Variants in UNC80 observed in about 807,000 individuals in gnomAD.
UNC80 encodes protein unc-80 homolog.
A neutral mutation model predicts 384.6 loss-of-function variants in UNC80; 164 were observed. The observed-to-expected ratio is 0.43, with a 90% CI of 0.38 to 0.49. The LOEUF (loss-of-function observed/expected upper bound fraction) is 0.49. UNC80 is among the 20% of genes least tolerant of loss of function. The probability of loss-of-function intolerance (pLI) is 0.00; values close to 1 mark genes in which losing one functional copy is unlikely to be tolerated. For missense variants in UNC80, 3,330 were observed against 4,143.0 expected (o/e 0.80, Z 5.39); for synonymous variants, 1,486 against 1,527.8 (o/e 0.97, Z 0.64).
At chr2:209,805,211 T>G (rs1174173202) in intron 7 of UNC80, among the ~76,000 whole-genome samples, 2 of 152,210 alleles carry the variant, frequency 1.3e-5, no homozygotes, top group African/African-American at 4.8e-5. Flanking sequence ...TAGGCACTTA[T>G]TTTTTAACTT....
At chr2:209,909,520 A>AC (rs1406958305) in intron 29 of UNC80, among the ~76,000 whole-genome samples, 1 of 152,200 alleles carries the variant, frequency 6.6e-6, no homozygotes, top group African/African-American at 2.4e-5. Context: ...CTCATCTTGT[A>AC]CATAGACTGA....
At chr2:209,865,154 G>A (rs2124869191) in intron 22 of UNC80, among the ~76,000 whole-genome samples, 1 of 152,190 alleles carries the variant, frequency 6.6e-6, no homozygotes, top group South Asian at 2.1e-4. Context: ...CTCTCCACGG[G>A]TCACGGCAGC....
At chr2:209,853,514 T>G (rs552708338) in intron 22 of UNC80, among the ~76,000 whole-genome samples, 24 of 152,034 alleles carry the variant, frequency 1.6e-4, no homozygotes, top group Non-Finnish European at 3.5e-4. Context: ...CAGTACAGCT[T>G]TTCCTCACAA....
At chr2:209,898,061 C>T (rs1031038208) in intron 28 of UNC80, among the ~76,000 whole-genome samples, 2 of 152,028 alleles carry the variant, frequency 1.3e-5, no homozygotes, top group Non-Finnish European at 2.9e-5. Context: ...GTAGGATCTA[C>T]AGTGATTTAC....
At chr2:209,776,230 G>C (rs2076853557) in intron 3 of UNC80, among the ~76,000 whole-genome samples, 185 bp downstream of exon 3, 1 of 152,064 alleles carries the variant, frequency 6.6e-6, no homozygotes, top group Non-Finnish European at 1.5e-5. Flanking sequence ...AAAGAAACTG[G>C]CTGTCTTGTT....
chr2:209,907,284 T>TA (rs2088347030), intron 29 of UNC80, among the ~76,000 whole-genome samples: 1 of 70,898 alleles, frequency 1.4e-5, no homozygotes, highest in South Asian at 4.0e-4. Context: ...CTGGGTACAA[T>TA]AATGGGCAAA....
In UNC80 at chr2:209,961,580, C is replaced by T. The variant is rs925981461; in HGVS notation, c.7805+1873C>T. 5.3e-5 allele frequency among the ~76,000 whole-genome samples: 8 copies of T among 151,750 alleles called. No individual in the cohort carries two copies. The South Asian group carries it at 6.2e-4, about 12-fold the overall frequency. On this transcript the variant is annotated intron_variant, in intron 51 of 64. Coordinates refer to ENST00000673920, the MANE Select transcript of UNC80 (RefSeq NM_001371986.1). ...AATTATTTTTATGATAAGATTAGCACGGGAAATCAATATAAGATCATATTA... is the reference window on the plus strand; with the variant it reads ...AATTATTTTTATGATAAGATTAGCATGGGAAATCAATATAAGATCATATTA...
At chr2:209,884,492 G>T (rs1048883929) in intron 25 of UNC80, among the ~76,000 whole-genome samples, 1 of 152,242 alleles carries the variant, frequency 6.6e-6, no homozygotes, top group East Asian at 1.9e-4. Context: ...AACTTGCTTA[G>T]CCATATGCAG....
intron 39 of UNC80, among the ~76,000 whole-genome samples, chr2:209,935,291 T>C (rs1027434554): frequency 2.0e-5 from 3 of 152,140 alleles, no homozygotes; most frequent in African/African-American, 7.2e-5. Flanking sequence ...GGCTATGAGA[T>C]TTAAATACAA....
chr2:209,989,585 G>A (rs534903952), intron 61 of UNC80, among the ~76,000 whole-genome samples: 15 of 152,156 alleles, frequency 9.9e-5, no homozygotes, highest in Non-Finnish European at 1.5e-4. Flanking sequence ...TACTGCAGTT[G>A]TAGTACGTAG....
In UNC80 at chr2:209,970,844, G is replaced by A. The variant is rs965037524; in HGVS notation, c.8143G>A (p.Val2715Ile). 1.3e-6 allele frequency: 2 copies of A among 1,551,434 alleles called. No homozygotes were observed. The highest frequency in any genetic ancestry group is 1.7e-6 in the Non-Finnish European group (2 of 1,146,906). Residue 2715 changes from valine (V) to isoleucine (I), a missense_variant, in exon 54 of 65, where the codon GTA (valine) becomes ATA (isoleucine). Val to Ile is a conservative substitution (Grantham distance 29, BLOSUM62 3). Transcript: ENST00000673920. ...NVCVNLVMGVVGPSSVADGLP... is the reference protein window; with the variant it reads ...NVCVNLVMGVIGPSSVADGLP... The stretch of plus-strand genomic sequence containing the variant: ...GTTTGTATTTCAGGTGATGGGAGTG[G>A]TAGGACCTTCCAGTGTTGCTGATGG...
At chr2:209,957,890 A>C (rs1439355971) in intron 49 of UNC80, among the ~76,000 whole-genome samples, 154 bp downstream of exon 49, 1 of 152,226 alleles carries the variant, frequency 6.6e-6, no homozygotes, top group African/African-American at 2.4e-5. Flanking sequence ...AGTTACAAGA[A>C]AATACCAAGG....
chr2:209,798,648 C>T (rs1391875940), intron 7 of UNC80, among the ~76,000 whole-genome samples: 1 of 150,612 alleles, frequency 6.6e-6, no homozygotes, highest in Non-Finnish European at 1.5e-5. Context: ...ATACGGCTCT[C>T]CTTTATTTTT....
At chr2:209,883,940 G>A (rs2085533368) in intron 25 of UNC80, among the ~76,000 whole-genome samples, 1 of 152,130 alleles carries the variant, frequency 6.6e-6, no homozygotes, top group African/African-American at 2.4e-5. Context: ...AATCCACAGA[G>A]TAAGCATAAA....
chr2:209,943,013 T>C (rs1455403913), intron 44 of UNC80, among the ~76,000 whole-genome samples: 3 of 152,208 alleles, frequency 2.0e-5, no homozygotes, highest in Non-Finnish European at 4.4e-5. Flanking sequence ...TTCTATGATT[T>C]GTATATACCA....
At chr2:209,832,364 C>T (rs753083902) in intron 16 of UNC80, among the ~76,000 whole-genome samples, 7 of 151,906 alleles carry the variant, frequency 4.6e-5, no homozygotes, top group Non-Finnish European at 7.4e-5. Flanking sequence ...GTTTTGGATA[C>T]GAAAATGTAG....
In UNC80 at chr2:209,974,115, C is replaced by A. The variant is rs182786877; in HGVS notation, c.8587+845C>A. On this transcript the variant is annotated intron_variant, in intron 56 of 64. Coordinates refer to ENST00000673920, the MANE Select transcript of UNC80 (RefSeq NM_001371986.1). ...GGAATTTCAAAATGAGAAAGTCTTG[C>A]CTGATATTTTTCAATTCACCAAAGC... Among the ~76,000 whole-genome samples, 119 of 152,208 alleles carry A rather than the reference C, an allele frequency of 7.8e-4. 1 individual carries two copies. The highest frequency in any genetic ancestry group is 2.5e-3 in the African/African-American group (105 of 41,520).
chr2:209,831,620 A>G lies in UNC80; in HGVS notation c.2775+29A>G, dbSNP rs529090935. Reference sequence around the variant, plus strand: ...AGAAGCTCTCCTCTCTTCCCACAGGAGCTCTCAGTCTCTGCCCTGAGAAAA... The same window carrying G: ...AGAAGCTCTCCTCTCTTCCCACAGGGGCTCTCAGTCTCTGCCCTGAGAAAA... On this transcript the variant is annotated intron_variant, in intron 16 of 64. Transcript: ENST00000673920. The G allele has an allele frequency of 3.3e-6, 5 of 1,504,246 alleles. No individual in the cohort carries two copies. In the African/African-American group the frequency reaches 5.6e-5, roughly 17 times the overall value. The allele number at this position is 1,504,246 out of a possible 1,614,324, so 93.2% of individuals were successfully genotyped here.
At position 209,881,048 on chromosome 2, in the gene UNC80, G is replaced by A; in HGVS notation, c.4064G>A (p.Arg1355Gln). ...CTTCTGGAGATTACCACCTTCCTGCGAGAGACCTTTTCTTGCCTGCCCAGA... is the reference window on the plus strand; with the variant it reads ...CTTCTGGAGATTACCACCTTCCTGCAAGAGACCTTTTCTTGCCTGCCCAGA... ...QLLLEITTFL[R>Q]ETFSCLPRPR... Residue 1355 changes from arginine to glutamine, a missense_variant, in exon 25 of 65, where the codon CGA becomes CAA. Arg to Gln is a conservative substitution (Grantham distance 43). Coordinates refer to ENST00000673920, the MANE Select transcript of UNC80 (RefSeq NM_001371986.1). The A allele has an allele frequency of 3.9e-6, 6 of 1,551,690 alleles. No individual in the cohort carries two copies. The highest frequency in any genetic ancestry group is 5.2e-6 in the Non-Finnish European group (6 of 1,147,008).
Sources: gnomAD v4.1 joint callset for allele counts (sites outside exome capture counted in the v4.1 genomes callset) on GRCh38, gnomAD v4.1.1 for gene constraint, MANE v1.5 for transcripts, NCBI Gene and HGNC (gene_info 2026-07-23, HGNC 2026-07-21) for gene names.